Variants in ZFAND6 observed in about 807,000 individuals in gnomAD.
ZFAND6 encodes the protein zinc finger AN1-type containing 6, also known as AN1-type zinc finger protein 6.
A neutral mutation model predicts 24.5 loss-of-function variants in ZFAND6; 12 were observed. That is an observed-to-expected ratio of 0.49 (90% confidence interval 0.31 to 0.79). The LOEUF (loss-of-function observed/expected upper bound fraction) is 0.79, where lower values mean the gene tolerates loss of function less well. ZFAND6 is among the 30% of genes least tolerant of loss of function. ZFAND6 has a pLI of 0.04. For synonymous variants in ZFAND6, 92 were observed against 81.5 expected (o/e 1.13, Z -0.69); for missense variants, 207 against 245.9 (o/e 0.84, Z 1.06).
chr15:80,087,017 A>AT (rs1364989388), intron 1 of ZFAND6, among the ~76,000 whole-genome samples: 1 of 152,246 alleles, frequency 6.6e-6, no homozygotes, highest in Non-Finnish European at 1.5e-5. Flanking sequence ...AAGGTGGAAT[A>AT]ATACTCTCTA....
At chr15:80,061,469 C>T (rs1049468815) in intron 1 of ZFAND6, among the ~76,000 whole-genome samples, 4 of 152,080 alleles carry the variant, frequency 2.6e-5, no homozygotes, top group Non-Finnish European at 5.9e-5. Flanking sequence ...AAAACTGGAA[C>T]ATTACTAAAA....
rs537713382 is a variant in ZFAND6 at position 80,064,408 on chromosome 15, A to G, written c.-181+4599A>G. On this transcript the variant is annotated intron_variant, in intron 1 of 6. Transcript: ENST00000261749. ...TCCTTCCCTTTCTATAGGAATCATC[A>G]TATATTTCTTTAATTAATTATGATG... Among the ~76,000 whole-genome samples the G allele has an allele frequency of 2.6e-5, 4 of 152,080 alleles. No homozygotes were observed. The South Asian group carries it at 8.3e-4, about 32-fold the overall frequency.
At chr15:80,088,235 A>G (rs2038123152) in intron 1 of ZFAND6, among the ~76,000 whole-genome samples, 1 of 151,842 alleles carries the variant, frequency 6.6e-6, no homozygotes, top group South Asian at 2.1e-4. Context: ...CTAACCCTCT[A>G]CCATTTTTCT....
chr15:80,062,050 T>C (rs2036364085), intron 1 of ZFAND6, among the ~76,000 whole-genome samples: 1 of 152,192 alleles, frequency 6.6e-6, no homozygotes, highest in South Asian at 2.1e-4. Flanking sequence ...CTGGCACTGT[T>C]TGGTATCTCC....
chr15:80,117,454 C>A (rs1213553727), intron 2 of ZFAND6, among the ~76,000 whole-genome samples: 2 of 152,150 alleles, frequency 1.3e-5, no homozygotes, highest in Non-Finnish European at 2.9e-5. Context: ...TATCTCCAGA[C>A]CTCGTGATCC....
chr15:80,113,907 T>C (rs1257051658), intron 2 of ZFAND6, among the ~76,000 whole-genome samples: 1 of 152,038 alleles, frequency 6.6e-6, no homozygotes, highest in African/African-American at 2.4e-5. Context: ...CTTAGGAATA[T>C]AGAGTAGAAG....
At chr15:80,135,241 A>C (rs1161004073) in intron 6 of ZFAND6, among the ~76,000 whole-genome samples, 1 of 152,232 alleles carries the variant, frequency 6.6e-6, no homozygotes, top group Non-Finnish European at 1.5e-5. Context: ...TTATTATAAG[A>C]ATACATTATA....
chr15:80,100,732 C>G (rs1377281819), intron 2 of ZFAND6, among the ~76,000 whole-genome samples: 1 of 152,094 alleles, frequency 6.6e-6, no homozygotes, highest in East Asian at 1.9e-4. Context: ...TGTATTTGAG[C>G]TTGTTTTACT....
chr15:80,074,157 C>G (rs751375851), intron 1 of ZFAND6, among the ~76,000 whole-genome samples: 30 of 151,840 alleles, frequency 2.0e-4, no homozygotes, highest in Non-Finnish European at 3.8e-4. Context: ...TAGTTTTTGC[C>G]TAAAAGCCTA....
chr15:80,063,040 T>G (rs2036418893), intron 1 of ZFAND6, among the ~76,000 whole-genome samples: 1 of 152,194 alleles, frequency 6.6e-6, no homozygotes, highest in South Asian at 2.1e-4. Context: ...ATTTGTAAAT[T>G]ACAGTATCTT....
At chr15:80,070,831 G>A (rs937961294) in intron 1 of ZFAND6, among the ~76,000 whole-genome samples, 1 of 151,698 alleles carries the variant, frequency 6.6e-6, no homozygotes, top group African/African-American at 2.4e-5. Context: ...AAAACCTTTG[G>A]CCATCTACAG....
At chr15:80,061,562 CAT>C (rs2036335819) in intron 1 of ZFAND6, among the ~76,000 whole-genome samples, 1 of 152,108 alleles carries the variant, frequency 6.6e-6, no homozygotes, top group Non-Finnish European at 1.5e-5. Flanking sequence ...ATAGTTTTAT[CAT>C]ATATGTTTGT....
rs60614502 is a variant in ZFAND6 at position 80,062,609 on chromosome 15, G to C, written c.-181+2800G>C. On this transcript the variant is annotated intron_variant, in intron 1 of 6. Coordinates refer to ENST00000261749, the MANE Select transcript of ZFAND6 (RefSeq NM_019006.4). ...TTTTGTTTGAAGGCATGGGAGTAGA[G>C]ATGGTTTCATTTTTTCTATATGTAG... Among the ~76,000 whole-genome samples, 757 of 152,310 alleles carry C rather than the reference G, an allele frequency of 5.0e-3. 8 individuals are homozygous for C. The highest frequency in any genetic ancestry group is 0.017 in the African/African-American group (726 of 41,578).
chr15:80,102,083 A>G (rs1364650029), intron 2 of ZFAND6, among the ~76,000 whole-genome samples: 1 of 151,220 alleles, frequency 6.6e-6, no homozygotes, highest in Non-Finnish European at 1.5e-5. Context: ...AGCATGAGCC[A>G]CCACGCCCGG....
chr15:80,064,607 TACACACACACAC>T (rs9302291), intron 1 of ZFAND6, among the ~76,000 whole-genome samples: 5 of 150,592 alleles, frequency 3.3e-5, no homozygotes, highest in African/African-American at 1.2e-4. Flanking sequence ...CATGTATACA[TACACACACACAC>T]ACACACACAC....
intron 1 of ZFAND6, among the ~76,000 whole-genome samples, chr15:80,070,106 TAAGA>T (rs1339403111): frequency 2.0e-5 from 3 of 152,340 alleles, no homozygotes; most frequent in East Asian, 1.9e-4. Context: ...TTCAAAATTC[TAAGA>T]AAGTGTTTGC....
intron 1 of ZFAND6, among the ~76,000 whole-genome samples, chr15:80,076,276 T>C (rs1166961742): frequency 6.6e-6 from 1 of 152,174 alleles, no homozygotes; most frequent in Non-Finnish European, 1.5e-5. Context: ...AAATGGGTGA[T>C]ACTGCCACCC....
intron 6 of ZFAND6, among the ~76,000 whole-genome samples, chr15:80,135,583 A>G (rs2040825553): frequency 6.6e-6 from 1 of 152,228 alleles, no homozygotes; most frequent in Non-Finnish European, 1.5e-5. Context: ...TAGGAAGATT[A>G]TTTCTGGTTA....
intron 3 of ZFAND6, 109 bp from the exon 4 acceptor site, chr15:80,121,603 G>T: frequency 2.6e-6 from 2 of 760,004 alleles, no homozygotes; most frequent in Non-Finnish European, 3.8e-6. Flanking sequence ...CATATTAAAA[G>T]AAAACCTCTA....
Sources: allele counts gnomAD v4.1 joint callset (sites outside exome capture counted in the v4.1 genomes callset), GRCh38; gene constraint gnomAD v4.1.1; transcripts MANE v1.5; gene names NCBI Gene and HGNC (gene_info 2026-07-23, HGNC 2026-07-21).